Variants in APCDD1L observed in about 807,000 individuals in gnomAD.
APCDD1L encodes the protein APC down-regulated 1 like, also known as protein APCDD1-like.
Under a neutral mutation model 24.2 loss-of-function variants are expected in APCDD1L, and 21 were observed. The ratio of observed to expected loss-of-function variants is 0.87; its 90% CI spans 0.61 to 1.25. The LOEUF is 1.25. APCDD1L is among the 50% of genes most tolerant of loss of function. The probability of loss-of-function intolerance (pLI) is 0.00; values close to 1 mark genes in which losing one functional copy is unlikely to be tolerated. For missense variants in APCDD1L, 704 were observed against 711.7 expected, an observed-to-expected ratio of 0.99 and a Z score of 0.12; for synonymous variants, 321 against 323.6, an observed-to-expected ratio of 0.99 and a Z score of 0.09.
chr20:58,480,742 GT>G (rs1432773653), intron 1 of APCDD1L, among the ~76,000 whole-genome samples: 1 of 152,166 alleles, frequency 6.6e-6, no homozygotes, highest in Non-Finnish European at 1.5e-5. Flanking sequence ...TTTTCTGTTT[GT>G]TTGTTTAGGA....
chr20:58,472,902 G>T (rs1028209364), intron 1 of APCDD1L, among the ~76,000 whole-genome samples: 2 of 152,208 alleles, frequency 1.3e-5, no homozygotes, highest in African/African-American at 4.8e-5. Flanking sequence ...GGAGTCCTGA[G>T]CTGACGGGTG....
At chr20:58,504,034 C>T (rs1039916426) in intron 1 of APCDD1L, among the ~76,000 whole-genome samples, 1 of 152,210 alleles carries the variant, frequency 6.6e-6, no homozygotes, top group Admixed American at 6.5e-5. Flanking sequence ...ACTGACAAGT[C>T]CTCTAGGACT....
intron 3 of APCDD1L, among the ~76,000 whole-genome samples, chr20:58,465,944 A>G (rs982994190): frequency 7.2e-5 from 11 of 152,100 alleles, no homozygotes; most frequent in African/African-American, 2.7e-4. Context: ...ATTTTCTCTT[A>G]TGCTTTTTTT....
Position 58,467,363 on chromosome 20 carries a change from G to T in APCDD1L, c.484C>A (p.Leu162Met). 1 of 1,469,296 alleles carries T rather than the reference G, an allele frequency of 6.8e-7. No individual in the cohort carries two copies. Among genetic ancestry groups the T allele is most frequent in the Admixed American group, 2.6e-5 (1 of 37,762 alleles). 91.0% of individuals were successfully genotyped at this position (1,469,296 alleles called of 1,614,324 possible). A position where few individuals can be genotyped will look rare whatever the true frequency, so the allele number is the denominator to read the frequency against. ...GGCAGCCAGGCCCGGGCCGGAGGCA[G>T]CCGCCGCGCGCAGTCCCGGCCGGCG... ...TRAGRDCARRLPPARAWLPGA... is the reference protein window; with the variant it reads ...TRAGRDCARRMPPARAWLPGA... Residue 162 changes from leucine (L) to methionine (M), a missense_variant, in exon 3 of 4, where the codon CTG becomes ATG. Coordinates refer to ENST00000371149, the MANE Select transcript of APCDD1L (RefSeq NM_153360.3). The surrounding 1 kb of genome is among the most constrained non-coding windows in gnomAD (Gnocchi z 5.9).
intron 1 of APCDD1L, among the ~76,000 whole-genome samples, chr20:58,473,960 G>A (rs1221090223): frequency 2.6e-5 from 4 of 152,188 alleles, no homozygotes; most frequent in Non-Finnish European, 4.4e-5. Context: ...GCTTGAGGCC[G>A]ATGTGTTATC....
intron 2 of APCDD1L, among the ~76,000 whole-genome samples, chr20:58,469,018 C>T (rs536788804): frequency 6.6e-6 from 1 of 152,332 alleles, no homozygotes; most frequent in South Asian, 2.1e-4. Context: ...GCCAACCTCC[C>T]TGTTCTCCCA....
At chr20:58,503,151 C>T (rs539084916) in intron 1 of APCDD1L, among the ~76,000 whole-genome samples, 32 of 152,298 alleles carry the variant, frequency 2.1e-4, no homozygotes, top group Admixed American at 2.0e-3. Flanking sequence ...GCCACGCAAT[C>T]ATGTAGGTTA....
chr20:58,473,784 G>A (rs1989856588), intron 1 of APCDD1L, among the ~76,000 whole-genome samples: 1 of 152,144 alleles, frequency 6.6e-6, no homozygotes. Context: ...TCCACTTACT[G>A]TCATTCATTA....
chr20:58,476,389 C>T (rs1271507695), intron 1 of APCDD1L, among the ~76,000 whole-genome samples: 1 of 152,178 alleles, frequency 6.6e-6, no homozygotes, highest in African/African-American at 2.4e-5. Context: ...CAGGGTTTCA[C>T]CATGTTAGCC....
At chr20:58,473,764 A>G (rs1989856047) in intron 1 of APCDD1L, among the ~76,000 whole-genome samples, 1 of 152,256 alleles carries the variant, frequency 6.6e-6, no homozygotes, top group Non-Finnish European at 1.5e-5. Flanking sequence ...ATTTTTAATT[A>G]ACAGTGGTGT....
intron 1 of APCDD1L, among the ~76,000 whole-genome samples, chr20:58,490,241 GA>G (rs1470633972): frequency 6.6e-6 from 1 of 152,026 alleles, no homozygotes; most frequent in African/African-American, 2.4e-5. Flanking sequence ...ATCAAATTTG[GA>G]AAACTTCTAT....
Position 58,508,033 on chromosome 20 carries a change from G to A in APCDD1L, c.49+6626C>T, listed in dbSNP as rs1172269726. 6.6e-6 allele frequency among the ~76,000 whole-genome samples: 1 copy of A among 152,268 alleles called. No individual in the cohort carries two copies. Among genetic ancestry groups the A allele is most frequent in the Non-Finnish European group, 1.5e-5 (1 of 68,042 alleles). ...GTGCTCTCCTAGGTCACCCATGGGG[G>A]TGGTGCTGGTACAACTCATTTGGAA... On this transcript the variant is annotated intron_variant, in intron 1 of 3. Transcript: ENST00000371149. The surrounding 1 kb of genome is among the most constrained non-coding windows in gnomAD (Gnocchi z 4.0).
chr20:58,475,236 GA>G, intron 1 of APCDD1L, among the ~76,000 whole-genome samples: 1 of 152,174 alleles, frequency 6.6e-6, no homozygotes, highest in Non-Finnish European at 1.5e-5. Flanking sequence ...AAAAGCAAAA[GA>G]AAAGTACTTT....
Position 58,460,709 on chromosome 20 carries a change from T to G in APCDD1L, c.*81A>C. 7.0e-7 allele frequency: 1 copy of G among 1,436,612 alleles called. No homozygotes were observed. The highest frequency in any genetic ancestry group is 9.3e-7 in the Non-Finnish European group (1 of 1,079,378). 89.0% of individuals were successfully genotyped at this position (1,436,612 alleles called of 1,614,324 possible). On this transcript the variant is annotated 3_prime_UTR_variant, in exon 4 of 4. Transcript: ENST00000371149. This position sits in a 1 kb window ranked among gnomAD's most constrained non-coding sequence, Gnocchi z 4.2. ...TCCATGACAGAGCAGAGGAGAATGGTTCCTTCCCTACAGCTGCCAGGAGGG... is the reference window on the plus strand; with the variant it reads ...TCCATGACAGAGCAGAGGAGAATGGGTCCTTCCCTACAGCTGCCAGGAGGG...
rs375701036 is a variant in APCDD1L at position 58,489,147 on chromosome 20, G to T, written c.50-18400C>A. Among the ~76,000 whole-genome samples, 44 of 152,234 alleles carry T rather than the reference G, an allele frequency of 2.9e-4. 1 individual carries two copies. Among genetic ancestry groups the T allele is most frequent in the African/African-American group, 1.0e-3 (43 of 41,552 alleles). On this transcript the variant is annotated intron_variant, in intron 1 of 3. Transcript: ENST00000371149. The stretch of plus-strand genomic sequence containing the variant: ...CCTGAATAGTTCCATAACTGTTGAA[G>T]AAATTGAGGAGTAATTTAAAAATCT...
chr20:58,498,953 C>T (rs151294404), intron 1 of APCDD1L, among the ~76,000 whole-genome samples: 13 of 152,354 alleles, frequency 8.5e-5, no homozygotes, highest in African/African-American at 3.1e-4. Context: ...CTGGTTCCCC[C>T]CTTGGCTGCA....
Position 58,460,961 on chromosome 20 carries a change from G to T in APCDD1L, c.1335C>A (p.Pro445=). 1 of 1,614,134 alleles carries T rather than the reference G, an allele frequency of 6.2e-7. No homozygotes were observed. The highest frequency in any genetic ancestry group is 2.2e-5 in the East Asian group (1 of 44,880). Residue 445 remains proline (P), a synonymous_variant, in exon 4 of 4, where the codon CCC becomes CCA. Transcript: ENST00000371149. The surrounding 1 kb of genome is among the most constrained non-coding windows in gnomAD (Gnocchi z 4.2). The stretch of plus-strand genomic sequence containing the variant: ...GCACCAGGGGTGCTTGGTAGGAGGT[G>T]GGACGTTTCTCTGGGGTATCGGGAC... ...GSSPDTPEKR[P]TSYQAPLVLC...
At chr20:58,507,142 G>A (rs1386418191) in intron 1 of APCDD1L, among the ~76,000 whole-genome samples, 1 of 152,176 alleles carries the variant, frequency 6.6e-6, no homozygotes, top group Non-Finnish European at 1.5e-5. Flanking sequence ...TAGTGAATAA[G>A]TCTCACGAGA....
chr20:58,471,801 C>T (rs1272683715), intron 1 of APCDD1L, among the ~76,000 whole-genome samples: 1 of 152,228 alleles, frequency 6.6e-6, no homozygotes, highest in East Asian at 1.9e-4. Flanking sequence ...CTCAGGGGCG[C>T]TGGCCTGGCC....
Sources: allele counts gnomAD v4.1 joint callset (sites outside exome capture counted in the v4.1 genomes callset), GRCh38; gene constraint gnomAD v4.1.1; non-coding constraint Gnocchi (gnomAD v3.1); transcripts MANE v1.5; gene names NCBI Gene and HGNC (gene_info 2026-07-23, HGNC 2026-07-21).